The following RAPGEF1 variants were observed in gnomAD, a reference collection of about 807,000 sequenced individuals.
RAPGEF1 encodes CRK SH3-binding GNRP.
A neutral mutation model predicts 143.3 loss-of-function variants in RAPGEF1; 33 were observed. The observed-to-expected ratio is 0.23, with a 90% CI of 0.17 to 0.31. The LOEUF (loss-of-function observed/expected upper bound fraction) is 0.31, where lower values mean the gene tolerates loss of function less well. Ranked by LOEUF, RAPGEF1 falls within the 10% of genes least tolerant of loss-of-function variation. The pLI is 1.00. For synonymous variants in RAPGEF1, 629 were observed against 676.5 expected (o/e 0.93, Z 1.09); for missense variants, 1,199 against 1,645.4 (o/e 0.73, Z 4.69).
chr9:131,664,821 T>C (rs1445645869), intron 1 of RAPGEF1, among the ~76,000 whole-genome samples: 1 of 152,260 alleles, frequency 6.6e-6, no homozygotes, highest in African/African-American at 2.4e-5. Context: ...TTTGTTTTTA[T>C]TGATATTCAA....
chr9:131,645,617 C>G (rs1363723326), intron 3 of RAPGEF1, among the ~76,000 whole-genome samples: 2 of 152,254 alleles, frequency 1.3e-5, no homozygotes, highest in African/African-American at 4.8e-5. Flanking sequence ...AGCTGTCAAG[C>G]TGGGGATCCT....
chr9:131,579,617 A>G lies in RAPGEF1; in HGVS notation c.3672T>C (p.Ile1224=), dbSNP rs760551091. ...CACTGAAGTCATTGAAGAAGTTTAT[A>G]ATGTCGTCGTTCCTCCGCATGTCAT... ...AHYDMRRNDD[I]INFFNDFSDH... Residue 1224 remains isoleucine, a synonymous_variant, in exon 27 of 27, where the codon ATT becomes ATC. Coordinates refer to ENST00000683357, the MANE Select transcript of RAPGEF1 (RefSeq NM_001377935.1). The G allele has an allele frequency of 8.7e-6, 14 of 1,613,794 alleles. No homozygotes were observed. The East Asian group carries it at 2.9e-4, about 33-fold the overall frequency.
chr9:131,648,269 T>C (rs1173970752), intron 3 of RAPGEF1, among the ~76,000 whole-genome samples: 2 of 152,186 alleles, frequency 1.3e-5, no homozygotes, highest in Non-Finnish European at 2.9e-5. Context: ...AGGACGCCTG[T>C]AGTCCCAGCT....
intron 22 of RAPGEF1, among the ~76,000 whole-genome samples, chr9:131,586,112 G>C (rs1157717938): frequency 2.0e-5 from 3 of 152,050 alleles, no homozygotes; most frequent in African/African-American, 7.2e-5. Flanking sequence ...CCGGGAGGTG[G>C]AGCTTGAGGG....
intron 1 of RAPGEF1, among the ~76,000 whole-genome samples, chr9:131,737,896 AGG>A (rs1837523039): frequency 7.7e-6 from 1 of 129,414 alleles, no homozygotes; most frequent in African/African-American, 2.9e-5. Flanking sequence ...ACCCAGGAGG[AGG>A]CGGAGCTTGC....
chr9:131,726,783 G>A (rs189302713), intron 1 of RAPGEF1, among the ~76,000 whole-genome samples: 24 of 152,126 alleles, frequency 1.6e-4, no homozygotes, highest in Middle Eastern at 3.4e-3. Context: ...GTGTTAAAAC[G>A]CACAAAACTT....
In RAPGEF1 at chr9:131,588,947, C is replaced by T. The variant is rs775927809; in HGVS notation, c.2907G>A (p.Met969Ile). ...TGCACACCAGGCGGAAGACCAGTTC[C>T]ATCAGCAGCTTCAGGATCTCTTCTG... Reference protein sequence around the residue: ...ELTEEILKLLMELVFRLVCNG... With the variant: ...ELTEEILKLLIELVFRLVCNG... Residue 969 changes from methionine (M) to isoleucine (I), a missense_variant, in exon 20 of 27, where the codon ATG becomes ATA. Physicochemically the swap from Met to Ile is conservative, Grantham distance 10. This residue lies in a region of RAPGEF1 where 209 missense variants were observed against 403.0 expected (regional missense o/e 0.52). Transcript: ENST00000683357. The T allele has an allele frequency of 3.7e-6, 6 of 1,613,950 alleles. No homozygotes were observed. Among genetic ancestry groups the T allele is most frequent in the Non-Finnish European group, 5.1e-6 (6 of 1,179,836 alleles).
rs961415932 is a variant in RAPGEF1, at chr9:131,597,458, G to C, written c.2613+741C>G. On this transcript the variant is annotated intron_variant, in intron 16 of 26. Transcript: ENST00000683357. ...GCCAGAGCCAGCGCATCCTTGCCTG[G>C]GAGTGCGCAAAGGGCAGTATCTGCC... 2.0e-5 allele frequency among the ~76,000 whole-genome samples: 3 copies of C among 152,224 alleles called. No individual in the cohort carries two copies. The East Asian group carries it at 5.8e-4, about 29-fold the overall frequency.
chr9:131,703,633 C>T lies in RAPGEF1; in HGVS notation c.61+36137G>A, dbSNP rs922651567. 4.6e-5 allele frequency among the ~76,000 whole-genome samples: 7 copies of T among 152,202 alleles called. No homozygotes were observed. In the East Asian group the frequency reaches 1.2e-3, roughly 25 times the overall value. On this transcript the variant is annotated intron_variant, in intron 1 of 26. Coordinates refer to ENST00000683357, the MANE Select transcript of RAPGEF1 (RefSeq NM_001377935.1). ...AGAAAGTGGGAGAACAAAGACTCCA[C>T]CCTGGCACCTGGGCTCCAGAGTTCT...
intron 1 of RAPGEF1, among the ~76,000 whole-genome samples, chr9:131,669,352 A>G (rs1290431359): frequency 6.6e-6 from 1 of 152,134 alleles, no homozygotes; most frequent in African/African-American, 2.4e-5. Context: ...ATGGGCAGAG[A>G]AAGAAGACAG....
intron 1 of RAPGEF1, among the ~76,000 whole-genome samples, chr9:131,739,241 G>T (rs1471373166): frequency 6.6e-6 from 1 of 152,194 alleles, no homozygotes; most frequent in Admixed American, 6.5e-5. Flanking sequence ...GAGCTTGATC[G>T]GGGTGGGGAG....
At chr9:131,598,777 C>A (rs1955747561) in intron 15 of RAPGEF1, among the ~76,000 whole-genome samples, 1 of 152,018 alleles carries the variant, frequency 6.6e-6, no homozygotes, top group South Asian at 2.1e-4. Context: ...CAGACATAGC[C>A]TCTTGTCCCT....
chr9:131,735,397 T>A (rs1837350431), intron 1 of RAPGEF1, among the ~76,000 whole-genome samples: 1 of 151,938 alleles, frequency 6.6e-6, no homozygotes, highest in African/African-American at 2.4e-5. Context: ...AGCACAGGAG[T>A]TTCCTGACCA....
intron 1 of RAPGEF1, chr9:131,710,003 C>A (rs1033572562): frequency 1.5e-5 from 14 of 944,906 alleles, no homozygotes; most frequent in Non-Finnish European, 1.8e-5. Flanking sequence ...CTCATCAGCA[C>A]AACAGCGGCT....
At chr9:131,598,392 C>T in intron 15 of RAPGEF1, 82 bp from the exon 16 acceptor site, 1 of 1,252,264 alleles carries the variant, frequency 8.0e-7, no homozygotes. Context: ...TGCCGGTGTG[C>T]ACGGCTCGAA....
intron 5 of RAPGEF1, among the ~76,000 whole-genome samples, chr9:131,638,175 T>C (rs1021318152): frequency 5.3e-5 from 8 of 152,318 alleles, no homozygotes; most frequent in Admixed American, 3.9e-4. Flanking sequence ...GGATAGCAAA[T>C]ACACAGACCA....
At chr9:131,640,015 GAAAC>G (rs895199192) in intron 4 of RAPGEF1, among the ~76,000 whole-genome samples, 10 of 152,288 alleles carry the variant, frequency 6.6e-5, no homozygotes, top group South Asian at 2.1e-4. Flanking sequence ...AAGTCCATTA[GAAAC>G]AAACAAACAA....
chr9:131,668,756 T>C (rs1443127456), intron 1 of RAPGEF1, among the ~76,000 whole-genome samples: 1 of 152,240 alleles, frequency 6.6e-6, no homozygotes, highest in African/African-American at 2.4e-5. Flanking sequence ...TTCTCAGCTT[T>C]ATTTTCAGAG....
At position 131,579,298 on chromosome 9, in the gene RAPGEF1, C is replaced by T. The variant is rs904157917; in HGVS notation, c.*199G>A. ...TGCCTGCTGGCTGCCCTGAGGCCCA[C>T]GGGTCTGCTCCCACAGAGGAAGGAG... is the stretch of plus-strand genomic sequence containing the variant. On this transcript the variant is annotated 3_prime_UTR_variant, in exon 27 of 27. Coordinates refer to ENST00000683357, the MANE Select transcript of RAPGEF1 (RefSeq NM_001377935.1). 58 of 675,118 alleles carry T rather than the reference C, an allele frequency of 8.6e-5. No homozygotes were observed. Among genetic ancestry groups the T allele is most frequent in the Middle Eastern group, 8.7e-4 (2 of 2,310 alleles). The allele number at this position is 675,118 out of a possible 1,614,324, so 41.8% of individuals were successfully genotyped here.
Sources: gnomAD v4.1 joint callset for allele counts (sites outside exome capture counted in the v4.1 genomes callset) on GRCh38, gnomAD v4.1.1 for gene constraint, gnomAD v4.1.1 regional missense constraint, MANE v1.5 for transcripts, NCBI Gene and HGNC (gene_info 2026-07-23, HGNC 2026-07-21) for gene names.